STEAP4: variants seen among roughly 807,000 people sequenced by gnomAD.
STEAP4 encodes the protein metalloreductase STEAP4.
In STEAP4, 36 loss-of-function variants were observed where a neutral mutation model predicts 43.6. That is an observed-to-expected ratio of 0.83 (90% CI 0.63 to 1.09). The LOEUF is 1.09. Ranked by LOEUF, STEAP4 falls within the 50% of genes least tolerant of loss-of-function variation. STEAP4 has a pLI of 0.00. For missense variants in STEAP4, 495 were observed against 546.5 expected, an observed-to-expected ratio of 0.91 and a Z score of 0.94; for synonymous variants, 191 against 196.7, an observed-to-expected ratio of 0.97 and a Z score of 0.24.
At position 88,280,919 on chromosome 7, in the gene STEAP4, A is replaced by C; in HGVS notation, c.1145T>G (p.Val382Gly). The change falls in exon 4 of 5, where the codon GTC becomes GGC. Residue 382 changes from valine (V) to glycine (G), a missense_variant. Val to Gly is a moderately radical substitution (Grantham distance 109). Coordinates refer to ENST00000380079, the MANE Select transcript of STEAP4 (RefSeq NM_024636.4). ...NAVNWREFRF[V>G]QSKLGYLTLI... ...GAATGAACTTGAAGTTCTTACCTGG[A>C]CAAATCGGAACTCTCTCCAGTTGAC... is the stretch of plus-strand genomic sequence containing the variant. The C allele has an allele frequency of 6.2e-7, 1 of 1,600,228 alleles. No individual in the cohort carries two copies. The highest frequency in any genetic ancestry group is 8.5e-7 in the Non-Finnish European group (1 of 1,174,850).
rs975721240 is a variant in STEAP4, at chr7:88,275,252, G to A, written c.*4146C>T. 2 of 152,202 alleles carry A rather than the reference G, an allele frequency of 1.3e-5. No homozygotes were observed. Among genetic ancestry groups the A allele is most frequent in the Non-Finnish European group, 2.9e-5 (2 of 68,138 alleles). The allele number at this position is 152,202 out of a possible 1,614,324, so 9.4% of individuals were successfully genotyped here. A position where few individuals can be genotyped will look rare whatever the true frequency, so the allele number is the denominator to read the frequency against. On this transcript the variant is annotated 3_prime_UTR_variant, in exon 5 of 5. Transcript: ENST00000380079. ...GATTACAGGCATGCGCCACCATGCTGGCTAATTTTTTATATTTTTAGTAGA... is the reference window on the plus strand; with the variant it reads ...GATTACAGGCATGCGCCACCATGCTAGCTAATTTTTTATATTTTTAGTAGA...
Position 88,280,948 on chromosome 7 carries a change from A to G in STEAP4, c.1116T>C (p.Asn372=). ...LGITSLPSVS[N]AVNWREFRFV... is the part of the protein sequence containing the mutation. ...ATCGGAACTCTCTCCAGTTGACTGCATTGCTAACAGATGGCAAAGAAGTGA... is the reference window on the plus strand; with the variant it reads ...ATCGGAACTCTCTCCAGTTGACTGCGTTGCTAACAGATGGCAAAGAAGTGA... The change falls in exon 4 of 5, where the codon AAT becomes AAC. Residue 372 remains asparagine, a synonymous_variant. Transcript: ENST00000380079. The G allele has an allele frequency of 4.3e-6, 7 of 1,612,142 alleles. No homozygotes were observed. The highest frequency in any genetic ancestry group is 4.2e-6 in the Non-Finnish European group (5 of 1,179,294).
chr7:88,285,756 C>CAAAA (rs371254467), intron 1 of STEAP4, among the ~76,000 whole-genome samples: 52 of 76,652 alleles, frequency 6.8e-4, no homozygotes, highest in Non-Finnish European at 8.9e-4. Context: ...GACTTTGTCT[C>CAAAA]AAAAAAAAAA....
intron 3 of STEAP4, chr7:88,281,921 C>T (rs1052436966): frequency 2.0e-5 from 3 of 152,142 alleles, no homozygotes; most frequent in African/African-American, 7.2e-5. Context: ...GGTTAGCCCT[C>T]TTACTTAAAA....
intron 1 of STEAP4, among the ~76,000 whole-genome samples, chr7:88,305,235 C>G (rs1853108783): frequency 1.3e-5 from 2 of 152,312 alleles, no homozygotes; most frequent in Admixed American, 1.3e-4. Context: ...CCCAATTTCT[C>G]TGTACACATG....
At chr7:88,292,943 C>CA (rs1852860297) in intron 1 of STEAP4, 1 of 152,006 alleles carries the variant, frequency 6.6e-6, no homozygotes, top group South Asian at 2.1e-4. Context: ...TGGTTGTTTC[C>CA]AGTTTTGGCT....
chr7:88,299,037 C>T (rs192270015), intron 1 of STEAP4, among the ~76,000 whole-genome samples: 4 of 152,084 alleles, frequency 2.6e-5, no homozygotes, highest in African/African-American at 9.7e-5. Flanking sequence ...TAGCTATGAA[C>T]TAACTATGTC....
chr7:88,297,224 A>G (rs1299317183), intron 1 of STEAP4, among the ~76,000 whole-genome samples: 3 of 152,208 alleles, frequency 2.0e-5, no homozygotes, highest in Non-Finnish European at 2.9e-5. Context: ...TGGAAATGTT[A>G]TCTCCTTACA....
At chr7:88,295,995 T>A (rs1852917356) in intron 1 of STEAP4, among the ~76,000 whole-genome samples, 1 of 152,026 alleles carries the variant, frequency 6.6e-6, no homozygotes, top group Admixed American at 6.6e-5. Flanking sequence ...ATGTTTTGAG[T>A]GTGCAGGCCT....
intron 4 of STEAP4, among the ~76,000 whole-genome samples, chr7:88,280,145 C>A (rs1852592707): frequency 6.6e-6 from 1 of 152,176 alleles, no homozygotes; most frequent in South Asian, 2.1e-4. Flanking sequence ...AACAAAACTG[C>A]TAATGAGAAC....
intron 1 of STEAP4, chr7:88,290,234 A>C (rs1010546258): frequency 2.0e-5 from 3 of 152,106 alleles, no homozygotes; most frequent in Non-Finnish European, 2.9e-5. Flanking sequence ...ATCTTTCATA[A>C]ATTTTTTAAT....
chr7:88,305,817 A>T (rs1164568670), intron 1 of STEAP4, among the ~76,000 whole-genome samples: 1 of 152,192 alleles, frequency 6.6e-6, no homozygotes, highest in Non-Finnish European at 1.5e-5. Context: ...CTGGCCCAGT[A>T]GCCAGCCTTT....
In STEAP4 at chr7:88,272,848, G is replaced by A. The variant is rs1338230009; in HGVS notation, c.*6550C>T. Reference sequence around the variant, plus strand: ...GAGAACTCCCTGATAATTTCCTGGAGTGCCTAAAACAAAAGATTTCCTGTT... The same window carrying A: ...GAGAACTCCCTGATAATTTCCTGGAATGCCTAAAACAAAAGATTTCCTGTT... On this transcript the variant is annotated 3_prime_UTR_variant, in exon 5 of 5. Coordinates refer to ENST00000380079, the MANE Select transcript of STEAP4 (RefSeq NM_024636.4). The A allele has an allele frequency of 6.6e-6, 1 of 152,184 alleles. No homozygotes were observed. The highest frequency in any genetic ancestry group is 2.4e-5 in the African/African-American group (1 of 41,444). The allele number at this position is 152,184 out of a possible 1,614,324, so 9.4% of individuals were successfully genotyped here. A position where few individuals can be genotyped will look rare whatever the true frequency, so the allele number is the denominator to read the frequency against.
At chr7:88,282,584 A>G in intron 3 of STEAP4, 57 bp downstream of exon 3, 1 of 1,442,630 alleles carries the variant, frequency 6.9e-7, no homozygotes, top group Admixed American at 2.0e-5. Context: ...ATGGAATATG[A>G]TGTAGCAATA....
intron 1 of STEAP4, chr7:88,292,630 T>A (rs1852853610): frequency 6.6e-6 from 1 of 152,164 alleles, no homozygotes; most frequent in Admixed American, 6.5e-5. Flanking sequence ...TGTCATTTTA[T>A]CTCATGTGTA....
At chr7:88,283,235 G>A (rs969560155) in intron 2 of STEAP4, 67 bp from the exon 3 acceptor site, 3 of 1,444,538 alleles carry the variant, frequency 2.1e-6, no homozygotes, top group African/African-American at 2.9e-5. Flanking sequence ...TATTTTGAAA[G>A]GCTACAACAG....
intron 1 of STEAP4, among the ~76,000 whole-genome samples, chr7:88,289,295 A>C (rs1852797887): frequency 6.6e-6 from 1 of 152,158 alleles, no homozygotes; most frequent in Non-Finnish European, 1.5e-5. Flanking sequence ...AAGAGTAACC[A>C]ATGGAGAAGA....
Position 88,271,398 on chromosome 7 carries a change from G to T in STEAP4, c.*8000C>A, listed in dbSNP as rs1852437071. On this transcript the variant is annotated 3_prime_UTR_variant, in exon 5 of 5. Coordinates refer to ENST00000380079, the MANE Select transcript of STEAP4 (RefSeq NM_024636.4). ...TAAAAGCAAATACACATATGCAAAA[G>T]GAATCATACTATATATGTTATTTTG... The T allele has an allele frequency of 6.6e-6, 1 of 152,086 alleles. No individual in the cohort carries two copies. Among genetic ancestry groups the T allele is most frequent in the South Asian group, 2.1e-4 (1 of 4,828 alleles). 9.4% of individuals were successfully genotyped at this position (152,086 alleles called of 1,614,324 possible). A position where few individuals can be genotyped will look rare whatever the true frequency, so the allele number is the denominator to read the frequency against.
At position 88,272,823 on chromosome 7, in the gene STEAP4, G is replaced by T. The variant is rs931601566; in HGVS notation, c.*6575C>A. The T allele has an allele frequency of 6.6e-6, 1 of 152,184 alleles. No individual in the cohort carries two copies. Among genetic ancestry groups the T allele is most frequent in the Non-Finnish European group, 1.5e-5 (1 of 68,030 alleles). The allele number at this position is 152,184 out of a possible 1,614,324, so 9.4% of individuals were successfully genotyped here. A position where few individuals can be genotyped will look rare whatever the true frequency, so the allele number is the denominator to read the frequency against. On this transcript the variant is annotated 3_prime_UTR_variant, in exon 5 of 5. Coordinates refer to ENST00000380079, the MANE Select transcript of STEAP4 (RefSeq NM_024636.4). Reference sequence around the variant, plus strand: ...TAGGGAAACTTTGGTTATCTACAGAGAGAACTCCCTGATAATTTCCTGGAG... The same window carrying T: ...TAGGGAAACTTTGGTTATCTACAGATAGAACTCCCTGATAATTTCCTGGAG...
Sources: allele counts gnomAD v4.1 joint callset (sites outside exome capture counted in the v4.1 genomes callset), GRCh38; gene constraint gnomAD v4.1.1; transcripts MANE v1.5; gene names NCBI Gene and HGNC (gene_info 2026-07-23, HGNC 2026-07-21).